The following THRA variants were observed in gnomAD, a reference collection of about 807,000 sequenced individuals.
The protein encoded by THRA is thyroid hormone receptor alpha.
A neutral mutation model predicts 45.0 loss-of-function variants in THRA; 13 were observed. The observed-to-expected ratio is 0.29, with a 90% CI of 0.19 to 0.46. The LOEUF is 0.46. Among genes scored for constraint, THRA ranks in the 20% least tolerant of loss-of-function variants. The pLI, the probability that THRA is intolerant of heterozygous loss-of-function variation, is 1.00. For synonymous variants in THRA, 195 were observed against 214.0 expected, an observed-to-expected ratio of 0.91 and a Z score of 0.78; for missense variants, 278 against 556.1, an observed-to-expected ratio of 0.50 and a Z score of 5.03.
upstream of THRA, chr17:40,062,589 G>C (rs997633432): frequency 6.6e-6 from 1 of 152,142 alleles, no homozygotes; most frequent in Non-Finnish European, 1.5e-5. Context: ...CACCCTCACG[G>C]TGCACACCCG....
chr17:40,074,595 C>T, intron 2 of THRA, 54 bp downstream of exon 2: 2 of 1,597,286 alleles, frequency 1.3e-6, no homozygotes, highest in Non-Finnish European at 1.7e-6. Flanking sequence ...GGCATGGGCA[C>T]CTGGCTGAGC....
intron 7 of THRA, 23 bp downstream of exon 7, chr17:40,086,876 G>A: frequency 6.2e-7 from 1 of 1,613,604 alleles, no homozygotes; most frequent in Non-Finnish European, 8.5e-7. Context: ...AGTGGGGAGA[G>A]ATGTGATGCT....
chr17:40,063,411 C>T (rs1023541392), intron 1 of THRA, among the ~76,000 whole-genome samples: 10 of 152,228 alleles, frequency 6.6e-5, no homozygotes, highest in Admixed American at 5.2e-4. Context: ...CGGGCCGGGC[C>T]CCGTTGCCGG....
chr17:40,074,423 G>T lies in THRA; in HGVS notation c.-66G>T. The T allele has an allele frequency of 6.3e-7, 1 of 1,591,366 alleles. No individual in the cohort carries two copies. The highest frequency in any genetic ancestry group is 1.1e-5 in the South Asian group (1 of 90,258). On this transcript the variant is annotated 5_prime_UTR_variant, in exon 2 of 9. Transcript: ENST00000450525. ...GGTGGGTGGCCTGTGGGTGTGCCGG[G>T]GGGGCCAGTGTGCCCACCCCAGTCT...
intron 2 of THRA, among the ~76,000 whole-genome samples, chr17:40,075,940 C>A (rs1431649595): frequency 6.6e-6 from 1 of 152,234 alleles, no homozygotes; most frequent in African/African-American, 2.4e-5. Context: ...GTGTTGGGAG[C>A]TGCATCCGGC....
chr17:40,080,185 A>G (rs1451791662), intron 4 of THRA, among the ~76,000 whole-genome samples: 1 of 152,138 alleles, frequency 6.6e-6, no homozygotes, highest in Admixed American at 6.5e-5. Flanking sequence ...GGATTGCTTG[A>G]GCCCAGGAGT....
chr17:40,073,666 G>A (rs773942047), intron 1 of THRA, among the ~76,000 whole-genome samples: 2 of 152,136 alleles, frequency 1.3e-5, no homozygotes, highest in Non-Finnish European at 2.9e-5. Context: ...GGCAGCATGG[G>A]AGGTCAGTTC....
In THRA at chr17:40,087,989, G is replaced by A. The variant is rs565967413; in HGVS notation, c.724-253G>A. Among the ~76,000 whole-genome samples the A allele has an allele frequency of 2.6e-5, 4 of 152,270 alleles. No individual in the cohort carries two copies. The South Asian group carries it at 8.3e-4, about 32-fold the overall frequency. ...TTGGCCAGGCTGGTCTCGAACTCCTGACCTCAAGTGATCCACCCGCCTTGG... is the reference window on the plus strand; with the variant it reads ...TTGGCCAGGCTGGTCTCGAACTCCTAACCTCAAGTGATCCACCCGCCTTGG... On this transcript the variant is annotated intron_variant, in intron 7 of 8. Coordinates refer to ENST00000450525, the MANE Select transcript of THRA (RefSeq NM_199334.5).
intron 3 of THRA, 23 bp from the exon 4 acceptor site, chr17:40,077,485 C>G (rs1986994054): frequency 6.2e-7 from 1 of 1,606,334 alleles, no homozygotes; most frequent in African/African-American, 1.3e-5. Flanking sequence ...GCCTGCCTTC[C>G]TCCATCCTTT....
intron 1 of THRA, among the ~76,000 whole-genome samples, chr17:40,063,533 G>C (rs1433939301): frequency 6.6e-6 from 1 of 152,158 alleles, no homozygotes; most frequent in Non-Finnish European, 1.5e-5. Context: ...TTGCAAAGCT[G>C]CCTCCAGCTG....
At chr17:40,093,097 C>T (rs1987647446), downstream of THRA, 1 of 1,614,000 alleles carries the variant, frequency 6.2e-7, no homozygotes, top group Admixed American at 1.7e-5. The surrounding 1 kb of genome is among the most constrained non-coding windows in gnomAD (Gnocchi z 5.9). Flanking sequence ...TGGGCGTCCA[C>T]CCGGAAGGAC....
chr17:40,089,501 C>T lies in THRA; in HGVS notation c.*45C>T. 1.2e-6 allele frequency: 2 copies of T among 1,601,582 alleles called. No individual in the cohort carries two copies. The highest frequency in any genetic ancestry group is 1.7e-6 in the Non-Finnish European group (2 of 1,173,200). ...GTGTGCGGAGCTGGTGGGGAGGAGC[C>T]TGGAGAGAAGGGGCAGAGCTGGGGG... On this transcript the variant is annotated 3_prime_UTR_variant, in exon 9 of 9. Transcript: ENST00000450525. This position sits in a 1 kb window ranked among gnomAD's most constrained non-coding sequence, Gnocchi z 6.1.
chr17:40,087,966 G>T (rs1441623177), intron 7 of THRA, among the ~76,000 whole-genome samples: 1 of 152,124 alleles, frequency 6.6e-6, no homozygotes, highest in Non-Finnish European at 1.5e-5. Context: ...CATGTATGTT[G>T]GCCAGGCTGG....
intron 4 of THRA, among the ~76,000 whole-genome samples, chr17:40,081,819 C>T (rs538783764): frequency 2.8e-4 from 42 of 151,742 alleles, no homozygotes; most frequent in African/African-American, 8.9e-4. Flanking sequence ...AAAAATTAGC[C>T]GGGCGTAATG....
chr17:40,089,941 T>TGGCTC lies in THRA; in HGVS notation c.*486_*490dup, dbSNP rs1987472463. ...CCTGGGTGCAAAGAACGGCTTGGCTTGGCTCCTCCTCTGGAGGTTAAAATT... is the reference window on the plus strand; with the variant it reads ...CCTGGGTGCAAAGAACGGCTTGGCTTGGCTCGGCTCCTCCTCTGGAGGTTAAAATT... On this transcript the variant is annotated 3_prime_UTR_variant, in exon 9 of 9. Coordinates refer to ENST00000450525, the MANE Select transcript of THRA (RefSeq NM_199334.5). This position sits in a 1 kb window ranked among gnomAD's most constrained non-coding sequence, Gnocchi z 6.1. 1 of 994,122 alleles carries TGGCTC rather than the reference T, an allele frequency of 1.0e-6. No homozygotes were observed. Among genetic ancestry groups the TGGCTC allele is most frequent in the South Asian group, 4.5e-5 (1 of 22,038 alleles). 61.6% of individuals were successfully genotyped at this position (994,122 alleles called of 1,614,324 possible).
chr17:40,084,900 G>A, intron 6 of THRA, 85 bp downstream of exon 6: 1 of 1,490,438 alleles, frequency 6.7e-7, no homozygotes, highest in Non-Finnish European at 9.2e-7. Context: ...CCTCCAGGAA[G>A]TCTTCTTAGT....
Position 40,088,442 on chromosome 17 carries a change from C to G in THRA, c.924C>G (p.Ala308=). The G allele has an allele frequency of 1.9e-6, 3 of 1,614,098 alleles. No individual in the cohort carries two copies. The highest frequency in any genetic ancestry group is 2.5e-6 in the Non-Finnish European group (3 of 1,179,972). ...TTGAACTGGGCAAGTCACTCTCTGC[C>G]TTTAACCTGGATGACACGGAAGTGG... is the stretch of plus-strand genomic sequence containing the variant. ...AIFELGKSLS[A]FNLDDTEVAL... Residue 308 remains alanine, a synonymous_variant, in exon 8 of 9, where the codon GCC becomes GCG. Transcript: ENST00000450525.
intron 2 of THRA, 31 bp from the exon 3 acceptor site, chr17:40,076,840 C>T: frequency 6.2e-7 from 1 of 1,612,512 alleles, no homozygotes; most frequent in Non-Finnish European, 8.5e-7. Flanking sequence ...GAAGACTGCT[C>T]TGTGATTCTG....
At chr17:40,080,434 C>A (rs1029670240) in intron 4 of THRA, among the ~76,000 whole-genome samples, 1 of 150,552 alleles carries the variant, frequency 6.6e-6, no homozygotes, top group Non-Finnish European at 1.5e-5. Flanking sequence ...AAAAAAAAAA[C>A]GGAAAAAAAG....
Sources: allele counts gnomAD v4.1 joint callset (sites outside exome capture counted in the v4.1 genomes callset), GRCh38; gene constraint gnomAD v4.1.1; non-coding constraint Gnocchi (gnomAD v3.1); transcripts MANE v1.5; gene names NCBI Gene and HGNC (gene_info 2026-07-23, HGNC 2026-07-21).